The following TMEM178B variants were observed in gnomAD, a reference collection of about 807,000 sequenced individuals.
TMEM178B encodes the protein transmembrane protein 178B.
In TMEM178B, 5 loss-of-function variants were observed where a neutral mutation model predicts 31.0. The observed-to-expected ratio is 0.16, with a 90% CI of 0.08 to 0.34. TMEM178B has a LOEUF of 0.34. Among genes scored for constraint, TMEM178B ranks in the 10% least tolerant of loss-of-function variants. The pLI is 1.00. For missense variants in TMEM178B, 275 were observed against 400.3 expected, an observed-to-expected ratio of 0.69 and a Z score of 2.67; for synonymous variants, 164 against 164.0, an observed-to-expected ratio of 1.00 and a Z score of 0.00.
At chr7:141,425,067 G>A (rs144483991) in intron 2 of TMEM178B, among the ~76,000 whole-genome samples, 46 of 152,222 alleles carry the variant, frequency 3.0e-4, no homozygotes, top group Non-Finnish European at 5.3e-4. Flanking sequence ...GAAAAATAGC[G>A]CCTACCTTAT....
In TMEM178B at chr7:141,452,952, C is replaced by T. The variant is rs540124235; in HGVS notation, c.634+15207C>T. ...ACACAATCTTGTCTCATGTCTCAGACAGGCCCATGAACCACAGGTGTTCCA... is the reference window on the plus strand; with the variant it reads ...ACACAATCTTGTCTCATGTCTCAGATAGGCCCATGAACCACAGGTGTTCCA... On this transcript the variant is annotated intron_variant, in intron 3 of 3. Transcript: ENST00000565468. 2.0e-5 allele frequency among the ~76,000 whole-genome samples: 3 copies of T among 152,352 alleles called. No homozygotes were observed. The South Asian group carries it at 6.2e-4, about 32-fold the overall frequency.
chr7:141,239,724 C>G (rs1004085713), intron 2 of TMEM178B, among the ~76,000 whole-genome samples: 1 of 152,142 alleles, frequency 6.6e-6, no homozygotes, highest in Non-Finnish European at 1.5e-5. Context: ...TGGTGGTTTC[C>G]AACAGGACAG....
intron 2 of TMEM178B, among the ~76,000 whole-genome samples, chr7:141,372,704 T>G (rs1314156530): frequency 6.6e-6 from 1 of 152,208 alleles, no homozygotes; most frequent in African/African-American, 2.4e-5. Context: ...ATTTTAAAAT[T>G]ATGAGCAAAA....
downstream of TMEM178B, among the ~76,000 whole-genome samples, chr7:141,481,064 A>G (rs116827661): frequency 4.3e-3 from 651 of 152,306 alleles, 7 homozygotes; most frequent in African/African-American, 0.015. Context: ...ATCGCATCTC[A>G]TGCTGATCTG....
At position 141,227,143 on chromosome 7, in the gene TMEM178B, T is replaced by A. The variant is rs1296354331; in HGVS notation, c.496+14439T>A. Among the ~76,000 whole-genome samples the A allele has an allele frequency of 2.0e-5, 3 of 152,128 alleles. No individual in the cohort carries two copies. The East Asian group carries it at 5.8e-4, about 29-fold the overall frequency. On this transcript the variant is annotated intron_variant, in intron 2 of 3. Coordinates refer to ENST00000565468, the MANE Select transcript of TMEM178B (RefSeq NM_001195278.2). Reference sequence around the variant, plus strand: ...AAGTCTCCCAGGGAACACAGAGCAGTGACACAGACTCAGGACGGCAGAGGC... The same window carrying A: ...AAGTCTCCCAGGGAACACAGAGCAGAGACACAGACTCAGGACGGCAGAGGC...
chr7:141,446,611 T>A (rs796971519), intron 3 of TMEM178B, among the ~76,000 whole-genome samples: 1 of 152,180 alleles, frequency 6.6e-6, no homozygotes, highest in Non-Finnish European at 1.5e-5. Flanking sequence ...AATCACCCAA[T>A]TGAAGAGGGA....
At chr7:141,285,380 G>A (rs532977067) in intron 2 of TMEM178B, among the ~76,000 whole-genome samples, 2 of 151,038 alleles carry the variant, frequency 1.3e-5, no homozygotes, top group South Asian at 2.1e-4. Flanking sequence ...AGATGGTCTC[G>A]ATCTCCTGAC....
At chr7:141,290,442 A>C (rs1798525663) in intron 2 of TMEM178B, among the ~76,000 whole-genome samples, 1 of 152,180 alleles carries the variant, frequency 6.6e-6, no homozygotes, top group South Asian at 2.1e-4. Flanking sequence ...CACTGGGCCA[A>C]ACTCAGTGGC....
intron 2 of TMEM178B, among the ~76,000 whole-genome samples, chr7:141,263,238 T>TCCCTGAGCATTCCTCTGGCTC (rs1798042301): frequency 6.6e-6 from 1 of 151,280 alleles, no homozygotes; most frequent in Non-Finnish European, 1.5e-5. Context: ...ACCTCTGGCT[T>TCCCTGAGCATTCCTCTGGCTC]CCCTGAGCAT....
intron 3 of TMEM178B, among the ~76,000 whole-genome samples, chr7:141,452,401 T>G (rs944928257): frequency 9.9e-5 from 15 of 152,236 alleles, no homozygotes; most frequent in Admixed American, 7.9e-4. Flanking sequence ...CTCCAGCAAA[T>G]TAGCTTGTTT....
chr7:141,341,062 A>G (rs1799507913), intron 2 of TMEM178B, among the ~76,000 whole-genome samples: 1 of 152,216 alleles, frequency 6.6e-6, no homozygotes, highest in African/African-American at 2.4e-5. Context: ...GCACCTTCAC[A>G]ACAAATCCAC....
intron 1 of TMEM178B, among the ~76,000 whole-genome samples, chr7:141,161,980 G>A (rs1470199228): frequency 6.6e-6 from 1 of 152,062 alleles, no homozygotes. Flanking sequence ...GTGTCTGTGT[G>A]CACTTGCAGG....
intron 1 of TMEM178B, among the ~76,000 whole-genome samples, chr7:141,121,547 T>C (rs1327597471): frequency 2.0e-5 from 3 of 152,212 alleles, no homozygotes. Flanking sequence ...TTATTTCTTC[T>C]TTTTGTTGCA....
intron 2 of TMEM178B, among the ~76,000 whole-genome samples, chr7:141,305,313 G>A (rs1331170256): frequency 6.6e-6 from 1 of 152,192 alleles, no homozygotes; most frequent in African/African-American, 2.4e-5. Flanking sequence ...GCTGAGCACT[G>A]TTATAAGTGC....
chr7:141,164,366 G>A (rs1343902772), intron 1 of TMEM178B, among the ~76,000 whole-genome samples: 2 of 152,176 alleles, frequency 1.3e-5, no homozygotes, highest in African/African-American at 4.8e-5. Context: ...ATTTTACCCT[G>A]ACTTTTATGG....
chr7:141,144,074 A>G (rs1310648461), intron 1 of TMEM178B, among the ~76,000 whole-genome samples: 1 of 152,188 alleles, frequency 6.6e-6, no homozygotes, highest in Non-Finnish European at 1.5e-5. Context: ...TTGATTTTGT[A>G]TCCTGAAAGT....
At chr7:141,309,965 C>T (rs1006217742) in intron 2 of TMEM178B, among the ~76,000 whole-genome samples, 1 of 152,082 alleles carries the variant, frequency 6.6e-6, no homozygotes, top group Non-Finnish European at 1.5e-5. Context: ...AATGTAACAC[C>T]CCAAACTATA....
chr7:141,444,236 A>G (rs530071866), intron 3 of TMEM178B, among the ~76,000 whole-genome samples: 70 of 152,302 alleles, frequency 4.6e-4, no homozygotes, highest in African/African-American at 1.6e-3. Context: ...ACTTAGATAT[A>G]TGCTCCATGA....
chr7:141,327,677 T>C (rs956221904), intron 2 of TMEM178B, among the ~76,000 whole-genome samples: 1 of 152,090 alleles, frequency 6.6e-6, no homozygotes, highest in South Asian at 2.1e-4. Flanking sequence ...TGTTGGGAGG[T>C]AGGACTTTCA....
Sources: allele counts gnomAD v4.1 joint callset (sites outside exome capture counted in the v4.1 genomes callset), GRCh38; gene constraint gnomAD v4.1.1; transcripts MANE v1.5; gene names NCBI Gene and HGNC (gene_info 2026-07-23, HGNC 2026-07-21).